Variants in ABHD16A observed in about 807,000 individuals in gnomAD.
ABHD16A encodes abhydrolase domain containing 16A, phospholipase.
In ABHD16A, 47 loss-of-function variants were observed where a neutral mutation model predicts 89.8. That is an observed-to-expected ratio of 0.52 (90% CI 0.41 to 0.67). ABHD16A has a LOEUF of 0.67. Ranked by LOEUF, ABHD16A falls within the 30% of genes least tolerant of loss-of-function variation. The pLI is 0.00. For synonymous variants in ABHD16A, 251 were observed against 280.4 expected (o/e 0.90, Z 1.05); for missense variants, 580 against 734.6 (o/e 0.79, Z 2.43).
chr6:31,695,691 C>T (rs1381483078), intron 5 of ABHD16A, among the ~76,000 whole-genome samples: 1 of 151,584 alleles, frequency 6.6e-6, no homozygotes, highest in Non-Finnish European at 1.5e-5. Flanking sequence ...CCATTGCACG[C>T]CAGCCTGGGC....
chr6:31,690,020 G>A lies in ABHD16A; in HGVS notation c.957+58C>T. On this transcript the variant is annotated intron_variant, in intron 11 of 19. Transcript: ENST00000395952. The surrounding 1 kb of genome is among the most constrained non-coding windows in gnomAD (Gnocchi z 4.1). ...AGCCCCTCTCCTCCCTCCAATGGCT[G>A]ACCAGAGGGAAACAGACATAATTCA... The A allele has an allele frequency of 6.6e-7, 1 of 1,514,292 alleles. No homozygotes were observed. Among genetic ancestry groups the A allele is most frequent in the Non-Finnish European group, 8.9e-7 (1 of 1,123,308 alleles). The allele number at this position is 1,514,292 out of a possible 1,614,324, so 93.8% of individuals were successfully genotyped here.
At chr6:31,700,779 C>A (rs9279389) in intron 4 of ABHD16A, among the ~76,000 whole-genome samples, 163 bp downstream of exon 4, 1 of 122,718 alleles carries the variant, frequency 8.1e-6, no homozygotes, top group East Asian at 2.3e-4. Context: ...GTTATTTTTT[C>A]ATATTTATAA....
chr6:31,702,626 T>A (rs1805127533), intron 1 of ABHD16A: 3 of 1,493,594 alleles, frequency 2.0e-6, no homozygotes, highest in Non-Finnish European at 2.7e-6. Context: ...ACCCGCCAGC[T>A]CTCCAGAATA....
At chr6:31,701,062 C>T in intron 3 of ABHD16A, 34 bp from the exon 4 acceptor site, 1 of 1,550,000 alleles carries the variant, frequency 6.5e-7, no homozygotes, top group Non-Finnish European at 8.9e-7. Context: ...GAGACCCTCT[C>T]CGCAATGTCC....
At position 31,690,643 on chromosome 6, in the gene ABHD16A, G is replaced by A. The variant is rs1195400366; in HGVS notation, c.844-41C>T. The A allele has an allele frequency of 5.0e-6, 8 of 1,601,726 alleles. No individual in the cohort carries two copies. Among genetic ancestry groups the A allele is most frequent in the African/African-American group, 2.7e-5 (2 of 74,688 alleles). Reference sequence around the variant, plus strand: ...GAAGGAAGGGCTGGGGGGCCAAGTTGGGACTGAAAAACTCCCTTTGGGCAG... The same window carrying A: ...GAAGGAAGGGCTGGGGGGCCAAGTTAGGACTGAAAAACTCCCTTTGGGCAG... On this transcript the variant is annotated intron_variant, in intron 9 of 19. Transcript: ENST00000395952. The surrounding 1 kb of genome is among the most constrained non-coding windows in gnomAD (Gnocchi z 4.1).
In ABHD16A at chr6:31,687,431, T is replaced by A; in HGVS notation, c.1593+67A>T. 6.2e-7 allele frequency: 1 copy of A among 1,607,414 alleles called. No homozygotes were observed. Among genetic ancestry groups the A allele is most frequent in the East Asian group, 2.2e-5 (1 of 44,856 alleles). On this transcript the variant is annotated intron_variant, in intron 19 of 19. Coordinates refer to ENST00000395952, the MANE Select transcript of ABHD16A (RefSeq NM_021160.3). This position sits in a 1 kb window ranked among gnomAD's most constrained non-coding sequence, Gnocchi z 6.3. ...TGCCACTTCCAATGCTTATAGGGTA[T>A]CCCCAGTCCCCCTATGTGAGCCCTG...
chr6:31,699,408 CAA>C (rs9281558), intron 4 of ABHD16A, among the ~76,000 whole-genome samples: 4 of 54,260 alleles, frequency 7.4e-5, no homozygotes, highest in Admixed American at 2.0e-4. Context: ...GACTCCGTCT[CAA>C]AAAAAAAAAA....
intron 5 of ABHD16A, among the ~76,000 whole-genome samples, chr6:31,696,125 C>T (rs1444611728): frequency 4.0e-5 from 6 of 149,594 alleles, no homozygotes; most frequent in African/African-American, 1.5e-4. Context: ...GATGGCGCCA[C>T]TGCACTCCAG....
Position 31,687,569 on chromosome 6 carries a change from A to G in ABHD16A, c.1547-25T>C. 1.2e-6 allele frequency: 2 copies of G among 1,612,944 alleles called. No homozygotes were observed. The highest frequency in any genetic ancestry group is 1.3e-5 in the African/African-American group (1 of 74,974). The stretch of plus-strand genomic sequence containing the variant: ...CCTGCAGAGAGGAGGCGCTCAAAAT[A>G]GGCCACACATCTGGGTATTCATCCC... On this transcript the variant is annotated intron_variant, in intron 18 of 19. Transcript: ENST00000395952. This position sits in a 1 kb window ranked among gnomAD's most constrained non-coding sequence, Gnocchi z 6.3.
At position 31,690,190 on chromosome 6, in the gene ABHD16A, G is replaced by A. The variant is rs1803733246; in HGVS notation, c.908-63C>T. 1 of 1,462,080 alleles carries A rather than the reference G, an allele frequency of 6.8e-7. No homozygotes were observed. Among genetic ancestry groups the A allele is most frequent in the South Asian group, 1.3e-5 (1 of 75,070 alleles). 90.6% of individuals were successfully genotyped at this position (1,462,080 alleles called of 1,614,324 possible). A position where few individuals can be genotyped will look rare whatever the true frequency, so the allele number is the denominator to read the frequency against. On this transcript the variant is annotated intron_variant, in intron 10 of 19. Transcript: ENST00000395952. This position sits in a 1 kb window ranked among gnomAD's most constrained non-coding sequence, Gnocchi z 4.1. The stretch of plus-strand genomic sequence containing the variant: ...CCCACAGCCCTTTCTCCATCCCTGG[G>A]GGAAGGAAGAGCAGAAGTACCCCCC...
At chr6:31,697,477 C>T (rs1186792490) in intron 4 of ABHD16A, among the ~76,000 whole-genome samples, 1 of 152,204 alleles carries the variant, frequency 6.6e-6, no homozygotes, top group Admixed American at 6.6e-5. Flanking sequence ...TGCCATCTGG[C>T]TTCAGAGTCT....
chr6:31,699,422 A>AG (rs1238655487), intron 4 of ABHD16A, among the ~76,000 whole-genome samples: 2 of 151,392 alleles, frequency 1.3e-5, no homozygotes, highest in African/African-American at 4.9e-5. Context: ...AAAAAAAAAA[A>AG]AAAAAAAGAA....
chr6:31,691,973 C>CT (rs1412143054), intron 7 of ABHD16A, 55 bp from the exon 8 acceptor site: 1 of 1,406,762 alleles, frequency 7.1e-7, no homozygotes, highest in African/African-American at 1.4e-5. Flanking sequence ...GGGGACTGTG[C>CT]TGGGGACCAT....
In ABHD16A at chr6:31,698,147, A is replaced by T. The variant is rs1349883031; in HGVS notation, c.344-1114T>A. 6.6e-6 allele frequency among the ~76,000 whole-genome samples: 1 copy of T among 152,160 alleles called. No individual in the cohort carries two copies. ...CCATATTTCATAGATTCTAAAATGT[A>T]TATTTTTTAACCCTTGAAAACTCTG... On this transcript the variant is annotated intron_variant, in intron 4 of 19. Transcript: ENST00000395952. The surrounding 1 kb of genome is among the most constrained non-coding windows in gnomAD (Gnocchi z 4.1).
In ABHD16A at chr6:31,688,523, G is replaced by C. The variant is rs1197741923; in HGVS notation, c.1250+200C>G. The C allele has an allele frequency of 1.3e-6, 1 of 796,636 alleles. No homozygotes were observed. The highest frequency in any genetic ancestry group is 2.0e-6 in the Non-Finnish European group (1 of 506,316). 49.3% of individuals were successfully genotyped at this position (796,636 alleles called of 1,614,324 possible). A position where few individuals can be genotyped will look rare whatever the true frequency, so the allele number is the denominator to read the frequency against. ...CTGCCGTGCCAGGCCTTAACCCTTT[G>C]GTTGCCAGATCCTGAGGTGGTCCAG... is the stretch of plus-strand genomic sequence containing the variant. On this transcript the variant is annotated intron_variant, in intron 14 of 19. Coordinates refer to ENST00000395952, the MANE Select transcript of ABHD16A (RefSeq NM_021160.3). This position sits in a 1 kb window ranked among gnomAD's most constrained non-coding sequence, Gnocchi z 4.9.
chr6:31,690,051 A>G lies in ABHD16A; in HGVS notation c.957+27T>C. ...AGGGAAACAGACATAATTCAGGAAA[A>G]GGAAGGGATTCCTGAGATGGTCTCA... On this transcript the variant is annotated intron_variant, in intron 11 of 19. Transcript: ENST00000395952. This position sits in a 1 kb window ranked among gnomAD's most constrained non-coding sequence, Gnocchi z 4.1. 6.4e-7 allele frequency: 1 copy of G among 1,565,166 alleles called. No individual in the cohort carries two copies.
chr6:31,693,416 T>C lies in ABHD16A; in HGVS notation c.446A>G (p.Tyr149Cys). 1.2e-6 allele frequency: 2 copies of C among 1,613,006 alleles called. No individual in the cohort carries two copies. Among genetic ancestry groups the C allele is most frequent in the Non-Finnish European group, 8.5e-7 (1 of 1,180,018 alleles). ...SSENKRQLAN[Y>C]NFDFRSWPVD... ...TGGCCAGCTCCGGAAGTCAAAGTTG[T>C]AGTTGGCAAGCTGCCTCTGCAGTGG... is the stretch of plus-strand genomic sequence containing the variant. The change falls in exon 6 of 20, where the codon TAC becomes TGC. Residue 149 changes from tyrosine to cysteine, a missense_variant. Coordinates refer to ENST00000395952, the MANE Select transcript of ABHD16A (RefSeq NM_021160.3). The surrounding 1 kb of genome is among the most constrained non-coding windows in gnomAD (Gnocchi z 5.0).
chr6:31,699,692 C>T (rs191948333), intron 4 of ABHD16A, among the ~76,000 whole-genome samples: 6 of 152,162 alleles, frequency 3.9e-5, no homozygotes, highest in Admixed American at 1.3e-4. Flanking sequence ...CATGCCTTAG[C>T]CTCCCAAGCA....
chr6:31,698,766 G>C lies in ABHD16A; in HGVS notation c.344-1733C>G, dbSNP rs945789090. Among the ~76,000 whole-genome samples the C allele has an allele frequency of 4.6e-5, 7 of 152,120 alleles. No individual in the cohort carries two copies. Among genetic ancestry groups the C allele is most frequent in the Admixed American group, 3.3e-4 (5 of 15,278 alleles). ...GTCAGGGAAGGCCTCTCTGAGGAGA[G>C]AGCCCAGCCCTGCAGAGATCAGGGG... On this transcript the variant is annotated intron_variant, in intron 4 of 19. Transcript: ENST00000395952. The surrounding 1 kb of genome is among the most constrained non-coding windows in gnomAD (Gnocchi z 4.1).
Sources: gnomAD v4.1 joint callset for allele counts (sites outside exome capture counted in the v4.1 genomes callset) on GRCh38, gnomAD v4.1.1 for gene constraint, Gnocchi (gnomAD v3.1) non-coding constraint, MANE v1.5 for transcripts, NCBI Gene and HGNC (gene_info 2026-07-23, HGNC 2026-07-21) for gene names.